The following IPO11 variants were observed in gnomAD, a reference collection of about 807,000 sequenced individuals.
IPO11 encodes the protein importin-11.
In IPO11, 66 loss-of-function variants were observed where a neutral mutation model predicts 143.2. That is an observed-to-expected ratio of 0.46 (90% confidence interval 0.38 to 0.57). The LOEUF is 0.57. Among genes scored for constraint, IPO11 ranks in the 20% least tolerant of loss-of-function variants. The pLI, the probability that IPO11 is intolerant of heterozygous loss-of-function variation, is 0.00. For synonymous variants in IPO11, 385 were observed against 377.8 expected (o/e 1.02, Z -0.22); for missense variants, 1,026 against 1,141.0 (o/e 0.90, Z 1.45).
chr5:62,618,687 TTAA>T (rs1247958443), intron 29 of IPO11, among the ~76,000 whole-genome samples: 1 of 152,158 alleles, frequency 6.6e-6, no homozygotes, highest in Non-Finnish European at 1.5e-5. Context: ...TTTTCCCATA[TTAA>T]TTTTACCAAA....
At chr5:62,426,215 A>G (rs1003564935) in intron 1 of IPO11, among the ~76,000 whole-genome samples, 1 of 152,132 alleles carries the variant, frequency 6.6e-6, no homozygotes. Flanking sequence ...GGTGAAACCC[A>G]GTTTCTACTA....
At chr5:62,612,036 C>T (rs1745942548) in intron 29 of IPO11, among the ~76,000 whole-genome samples, 1 of 151,962 alleles carries the variant, frequency 6.6e-6, no homozygotes, top group Non-Finnish European at 1.5e-5. Flanking sequence ...TGTGAAATAA[C>T]ATTCCCCTAG....
At chr5:62,491,831 A>G (rs1181129570) in intron 15 of IPO11, among the ~76,000 whole-genome samples, 1 of 151,698 alleles carries the variant, frequency 6.6e-6, no homozygotes, top group African/African-American at 2.4e-5. Context: ...ATGCCCGGCT[A>G]ATTTTTTTGT....
At chr5:62,597,138 T>A (rs1480659123) in intron 28 of IPO11, among the ~76,000 whole-genome samples, 4 of 152,244 alleles carry the variant, frequency 2.6e-5, no homozygotes, top group Admixed American at 1.3e-4. Context: ...AAGCACATGC[T>A]CATTATAACA....
intron 24 of IPO11, among the ~76,000 whole-genome samples, chr5:62,541,359 G>A (rs32176): frequency 0.092 from 13,523 of 146,546 alleles, 649 homozygotes; most frequent in East Asian, 0.14. Context: ...CAACAAGAGC[G>A]AAACGCTGTC....
chr5:62,463,051 ATTTATT>A (rs1745426852), intron 5 of IPO11, among the ~76,000 whole-genome samples: 2 of 151,898 alleles, frequency 1.3e-5, no homozygotes, highest in Admixed American at 6.6e-5. Context: ...AAAACATTCA[ATTTATT>A]TTTAGAGACA....
Position 62,506,280 on chromosome 5 carries a change from C to A in IPO11, c.1705C>A (p.Gln569Lys), listed in dbSNP as rs773383736. 4 of 1,610,018 alleles carry A rather than the reference C, an allele frequency of 2.5e-6. No individual in the cohort carries two copies. Among genetic ancestry groups the A allele is most frequent in the Non-Finnish European group, 3.4e-6 (4 of 1,177,676 alleles). ...GTTCACACTACTTTTTCAGTTACTGCAGCAAGTTACAGAATGTGACACAAA... is the reference window on the plus strand; with the variant it reads ...GTTCACACTACTTTTTCAGTTACTGAAGCAAGTTACAGAATGTGACACAAA... ...TMFTLLFQLL[Q>K]QVTECDTKMH... The change falls in exon 19 of 30, where the codon CAG becomes AAG. Residue 569 changes from glutamine to lysine, a missense_variant. This residue lies in a region of IPO11 where 237 missense variants were observed against 288.0 expected (regional missense o/e 0.82). Coordinates refer to ENST00000325324, the MANE Select transcript of IPO11 (RefSeq NM_016338.5).
At chr5:62,504,567 AAG>A (rs1422149117) in intron 16 of IPO11, 98 bp from the exon 17 acceptor site, 1 of 663,662 alleles carries the variant, frequency 1.5e-6, no homozygotes, top group African/African-American at 1.9e-5. Context: ...TAATAATAAT[AAG>A]AGTACAGAAA....
At chr5:62,574,592 T>A (rs556661578) in intron 27 of IPO11, among the ~76,000 whole-genome samples, 1 of 152,268 alleles carries the variant, frequency 6.6e-6, no homozygotes, top group South Asian at 2.1e-4. Flanking sequence ...TTCTAATCCA[T>A]CTCTGCTAGC....
chr5:62,466,089 G>A (rs1197726221), intron 5 of IPO11, among the ~76,000 whole-genome samples: 1 of 152,184 alleles, frequency 6.6e-6, no homozygotes, highest in Non-Finnish European at 1.5e-5. Flanking sequence ...ATAAAGAGAC[G>A]AGTAGGAGAT....
At chr5:62,455,454 C>T (rs533677048) in intron 5 of IPO11, among the ~76,000 whole-genome samples, 8 of 152,148 alleles carry the variant, frequency 5.3e-5, no homozygotes, top group South Asian at 2.1e-4. Flanking sequence ...ACCCAGGAGG[C>T]GGAGGCTGCA....
chr5:62,467,874 T>C (rs113350479), intron 6 of IPO11, among the ~76,000 whole-genome samples: 26 of 152,224 alleles, frequency 1.7e-4, no homozygotes, highest in African/African-American at 6.3e-4. Flanking sequence ...ATTTGTCTTA[T>C]TCTCTTACTT....
intron 22 of IPO11, among the ~76,000 whole-genome samples, chr5:62,534,950 G>T (rs956393277): frequency 2.2e-4 from 33 of 151,934 alleles, no homozygotes; most frequent in Non-Finnish European, 4.3e-4. Context: ...ACTTGTGGAT[G>T]TAATGAACAG....
intron 29 of IPO11, among the ~76,000 whole-genome samples, chr5:62,620,944 C>A (rs1746339754): frequency 6.6e-6 from 1 of 152,164 alleles, no homozygotes; most frequent in Admixed American, 6.5e-5. Flanking sequence ...ACAATCGAGA[C>A]TTATTGAAAT....
chr5:62,553,728 T>A (rs1028729879), intron 26 of IPO11, among the ~76,000 whole-genome samples: 5 of 152,030 alleles, frequency 3.3e-5, no homozygotes, highest in African/African-American at 1.2e-4. Flanking sequence ...GATTTGCATT[T>A]CCCTGATGAC....
intron 1 of IPO11, among the ~76,000 whole-genome samples, chr5:62,425,739 C>T (rs921376217): frequency 1.3e-5 from 2 of 152,172 alleles, no homozygotes; most frequent in South Asian, 2.1e-4. Context: ...AGTAAAGATA[C>T]GATTGCTAAC....
At chr5:62,572,027 TA>T (rs1351325560) in intron 27 of IPO11, among the ~76,000 whole-genome samples, 2 of 152,202 alleles carry the variant, frequency 1.3e-5, no homozygotes, top group Non-Finnish European at 2.9e-5. Flanking sequence ...TAATAAAGGC[TA>T]ATTACCCACC....
chr5:62,571,937 C>T (rs991554585), intron 27 of IPO11, among the ~76,000 whole-genome samples: 8 of 152,266 alleles, frequency 5.3e-5, no homozygotes, highest in Admixed American at 1.3e-4. Flanking sequence ...CCACCCACCT[C>T]GGCCTCCCAG....
intron 1 of IPO11, among the ~76,000 whole-genome samples, chr5:62,417,833 A>G (rs955481573): frequency 2.0e-5 from 3 of 152,164 alleles, no homozygotes; most frequent in East Asian, 1.9e-4. Context: ...GTGTATTTCA[A>G]CCTTCCTGAC....
Sources: allele counts gnomAD v4.1 joint callset (sites outside exome capture counted in the v4.1 genomes callset), GRCh38; gene constraint gnomAD v4.1.1; regional missense constraint gnomAD v4.1.1; transcripts MANE v1.5; gene names NCBI Gene and HGNC (gene_info 2026-07-23, HGNC 2026-07-21).